IGF2R: variants seen among roughly 807,000 people sequenced by gnomAD.
IGF2R encodes insulin like growth factor 2 receptor, also known as cation-independent mannose-6-phosphate receptor.
IGF2R carries 91 observed loss-of-function variants against 270.6 expected under a neutral mutation model. The ratio of observed to expected loss-of-function variants is 0.34; its 90% CI spans 0.28 to 0.40. IGF2R has a LOEUF of 0.40. IGF2R is among the 10% of genes least tolerant of loss of function. The probability of loss-of-function intolerance (pLI) is 1.00; values close to 1 mark genes in which losing one functional copy is unlikely to be tolerated. For missense variants in IGF2R, 2,805 were observed against 3,188.3 expected (o/e 0.88, Z 2.90); for synonymous variants, 1,316 against 1,258.9 (o/e 1.05, Z -0.96).
At position 160,079,709 on chromosome 6, in the gene IGF2R, C is replaced by T. The variant is rs750671616; in HGVS notation, c.5608C>T (p.Gln1870Ter). Residue 1870 changes from glutamine (Q) to a stop codon, truncating the protein, a stop_gained, in exon 38 of 48, where the codon CAA becomes TAA. Transcript: ENST00000356956. LOFTEE classifies it high-confidence loss of function. ...CAAGGGGGCATCCTTTGGACGGCTG[C>T]AATCAATGAAACTGGATTACAGGCA... ...GTKGASFGRL[Q>*]SMKLDYRHQD... 7.3e-6 allele frequency: 11 copies of T among 1,511,150 alleles called. No homozygotes were observed. The highest frequency in any genetic ancestry group is 8.8e-7 in the Non-Finnish European group (1 of 1,130,534). 93.6% of individuals were successfully genotyped at this position (1,511,150 alleles called of 1,614,324 possible).
At position 160,096,516 on chromosome 6, in the gene IGF2R, T is replaced by G. The variant is rs1321974334; in HGVS notation, c.6733T>G (p.Phe2245Val). ...GACCAAGTCTGTTTCTTCCACCATC[T>G]TCTTCCACTGTGACCCTCTGGTGGA... is the stretch of plus-strand genomic sequence containing the variant. ...DKTKSVSSTI[F>V]FHCDPLVEDG... The change falls in exon 45 of 48, where the codon TTC (phenylalanine) becomes GTC (valine). Residue 2245 changes from phenylalanine to valine, a missense_variant. Physicochemically the swap from Phe to Val is conservative, Grantham distance 50 (BLOSUM62 -1). Transcript: ENST00000356956. 1 of 1,614,184 alleles carries G rather than the reference T, an allele frequency of 6.2e-7. No individual in the cohort carries two copies. Among genetic ancestry groups the G allele is most frequent in the South Asian group, 1.1e-5 (1 of 91,086 alleles).
rs1778528631 is a variant in IGF2R, at chr6:160,064,889, A to C, written c.4103A>C (p.Glu1368Ala). ...GCCTGCCCACCTTTCGATCTGACTG[A>C]ATGTTCATTCAAGTAAGTCCATGGA... Reference protein sequence around the residue: ...QYACPPFDLTECSFKDGAGNS... With the variant: ...QYACPPFDLTACSFKDGAGNS... Residue 1368 changes from glutamate to alanine, a missense_variant, in exon 29 of 48, where the codon GAA becomes GCA. Physicochemically the swap from Glu to Ala is moderately radical, Grantham distance 107. Transcript: ENST00000356956. 1.2e-6 allele frequency: 2 copies of C among 1,608,414 alleles called. No individual in the cohort carries two copies. The highest frequency in any genetic ancestry group is 1.7e-5 in the Admixed American group (1 of 59,998).
chr6:160,023,964 T>C (rs1313826229), intron 4 of IGF2R, among the ~76,000 whole-genome samples: 1 of 152,140 alleles, frequency 6.6e-6, no homozygotes, highest in Non-Finnish European at 1.5e-5. Context: ...CAGGAGCCTG[T>C]GGATGCAAGC....
chr6:160,096,599 G>A lies in IGF2R; in HGVS notation c.6816G>A (p.Trp2272Ter). Residue 2272 changes from tryptophan (W) to a stop codon, truncating the protein, a stop_gained, in exon 45 of 48, where the codon TGG (tryptophan) becomes TGA (stop). Transcript: ENST00000356956. LOFTEE classifies it high-confidence loss of function. ...CCGACTGCCAGTACCTCTTCTCTTG[G>A]TACACCTCAGCCGTGTGTCCTCTGG... ...ETADCQYLFS[W>*]YTSAVCPLGV... is the part of the protein sequence containing the mutation. 1 of 1,613,912 alleles carries A rather than the reference G, an allele frequency of 6.2e-7. No individual in the cohort carries two copies. The highest frequency in any genetic ancestry group is 8.5e-7 in the Non-Finnish European group (1 of 1,179,910).
intron 2 of IGF2R, among the ~76,000 whole-genome samples, chr6:159,999,159 C>T (rs985670331): frequency 1.1e-4 from 16 of 152,196 alleles, no homozygotes; most frequent in African/African-American, 3.9e-4. Flanking sequence ...TGCCATCACC[C>T]ACTCCAGACC....
chr6:160,018,080 TAAAAGAC>T (rs1777346717), intron 4 of IGF2R, among the ~76,000 whole-genome samples: 1 of 151,884 alleles, frequency 6.6e-6, no homozygotes, highest in African/African-American at 2.4e-5. Context: ...ATTTAAAAAA[TAAAAGAC>T]AGAATCCACC....
chr6:160,053,993 A>G (rs1172898452), intron 19 of IGF2R, among the ~76,000 whole-genome samples: 2 of 152,166 alleles, frequency 1.3e-5, no homozygotes, highest in African/African-American at 2.4e-5. Flanking sequence ...TGCTGGGATT[A>G]TAGGTATGAG....
intron 45 of IGF2R, among the ~76,000 whole-genome samples, chr6:160,098,454 C>G (rs1046555667): frequency 3.3e-5 from 5 of 152,068 alleles, no homozygotes; most frequent in Non-Finnish European, 7.4e-5. Context: ...CAGGTACCAC[C>G]CGGGGGTGAC....
intron 1 of IGF2R, among the ~76,000 whole-genome samples, chr6:159,978,451 G>A (rs994610754): frequency 1.3e-5 from 2 of 152,194 alleles, no homozygotes; most frequent in East Asian, 1.9e-4. Flanking sequence ...AAGAAGAGCC[G>A]TCCTCCCTGT....
chr6:160,084,015 C>G lies in IGF2R; in HGVS notation c.5899C>G (p.Gln1967Glu). 6.2e-7 allele frequency: 1 copy of G among 1,614,132 alleles called. No homozygotes were observed. The highest frequency in any genetic ancestry group is 8.5e-7 in the Non-Finnish European group (1 of 1,179,982). Residue 1967 changes from glutamine (Q) to glutamate (E), a missense_variant, in exon 40 of 48, where the codon CAA (glutamine) becomes GAA (glutamate). Transcript: ENST00000356956. This position sits in a 1 kb window ranked among gnomAD's most constrained non-coding sequence, Gnocchi z 4.6. ...TGAAGATGAGGACATTGGGAGGCCA[C>G]AAGTCTTCAGTGAAGTGCGTGGGTG... ...CDEDEDIGRP[Q>E]VFSEVRGCDV...
At chr6:160,051,473 C>T (rs1284287392) in intron 19 of IGF2R, among the ~76,000 whole-genome samples, 10 of 152,252 alleles carry the variant, frequency 6.6e-5, no homozygotes, top group African/African-American at 1.4e-4. Context: ...TAACAAGGCA[C>T]GGTTCAAAGG....
At chr6:160,103,026 T>A (rs1446608824) in intron 46 of IGF2R, among the ~76,000 whole-genome samples, 1 of 152,106 alleles carries the variant, frequency 6.6e-6, no homozygotes, top group Non-Finnish European at 1.5e-5. Flanking sequence ...TGCAGGAGTT[T>A]ATTAAGCGCC....
intron 3 of IGF2R, 130 bp from the exon 4 acceptor site, chr6:160,010,557 C>T (rs775654486): frequency 8.2e-4 from 487 of 596,156 alleles, no homozygotes; most frequent in Non-Finnish European, 6.0e-4. Flanking sequence ...TTAACTAAAG[C>T]GGTTGCATCC....
chr6:160,057,628 A>G (rs996142659), intron 20 of IGF2R, among the ~76,000 whole-genome samples: 3 of 152,234 alleles, frequency 2.0e-5, no homozygotes, highest in African/African-American at 7.2e-5. Context: ...ACCTGGTCAT[A>G]CTTCCCATGA....
chr6:159,969,084 C>A lies in IGF2R; in HGVS notation c.-163C>A, dbSNP rs985846746. The A allele has an allele frequency of 2.9e-5, 7 of 239,034 alleles. No individual in the cohort carries two copies. The highest frequency in any genetic ancestry group is 4.0e-5 in the Non-Finnish European group (6 of 148,254). 14.8% of individuals were successfully genotyped at this position (239,034 alleles called of 1,614,324 possible). A position where few individuals can be genotyped will look rare whatever the true frequency, so the allele number is the denominator to read the frequency against. ...GACGCGGTTCCGGGGCCGCCGCTGCCGCTGTCGCTGTCGCCGAGCCCAGTC... is the reference window on the plus strand; with the variant it reads ...GACGCGGTTCCGGGGCCGCCGCTGCAGCTGTCGCTGTCGCCGAGCCCAGTC... On this transcript the variant is annotated 5_prime_UTR_variant, in exon 1 of 48. Transcript: ENST00000356956.
chr6:160,035,132 G>A (rs1235749627), intron 10 of IGF2R, among the ~76,000 whole-genome samples: 1 of 152,142 alleles, frequency 6.6e-6, no homozygotes, highest in Non-Finnish European at 1.5e-5. Flanking sequence ...ATGGGATTCC[G>A]TCATCATCAG....
rs375156596 is a variant in IGF2R at position 160,063,535 on chromosome 6, A to G, written c.3791A>G (p.Lys1264Arg). ...ACTTATTACTTCCGGGTCTGTGGGA[A>G]GCTTTCCTCAGACGTCTGCCCCACA... ...EYTYYFRVCG[K>R]LSSDVCPTSD... Residue 1264 changes from lysine (K) to arginine (R), a missense_variant, in exon 27 of 48, where the codon AAG (lysine) becomes AGG (arginine). Lys to Arg is a conservative substitution (Grantham distance 26). Transcript: ENST00000356956. The G allele has an allele frequency of 3.7e-6, 6 of 1,614,124 alleles. No homozygotes were observed. The highest frequency in any genetic ancestry group is 5.1e-6 in the Non-Finnish European group (6 of 1,180,058).
chr6:160,012,997 G>A (rs921339667), intron 4 of IGF2R, among the ~76,000 whole-genome samples: 2 of 151,766 alleles, frequency 1.3e-5, no homozygotes, highest in African/African-American at 2.4e-5. Context: ...TGGAGGCTGC[G>A]GTGACAGTGG....
At chr6:160,089,804 T>G (rs1397634765) in intron 43 of IGF2R, 112 bp from the exon 44 acceptor site, 1 of 668,994 alleles carries the variant, frequency 1.5e-6, no homozygotes, top group East Asian at 3.0e-5. Flanking sequence ...TTCCTTTCCC[T>G]AGGAAAGGAA....
Sources: allele counts gnomAD v4.1 joint callset (sites outside exome capture counted in the v4.1 genomes callset), GRCh38; gene constraint gnomAD v4.1.1; non-coding constraint Gnocchi (gnomAD v3.1); transcripts MANE v1.5; gene names NCBI Gene and HGNC (gene_info 2026-07-23, HGNC 2026-07-21).